TRERF1: variants seen among roughly 807,000 people sequenced by gnomAD.
The protein encoded by TRERF1 is transcriptional-regulating factor 1.
TRERF1 carries 27 observed loss-of-function variants against 122.9 expected under a neutral mutation model. That is an observed-to-expected ratio of 0.22 (90% CI 0.16 to 0.30). The LOEUF is 0.30. TRERF1 is among the 10% of genes least tolerant of loss of function. The pLI, the probability that TRERF1 is intolerant of heterozygous loss-of-function variation, is 1.00. For synonymous variants in TRERF1, 636 were observed against 641.7 expected, an observed-to-expected ratio of 0.99 and a Z score of 0.13; for missense variants, 1,248 against 1,560.3, an observed-to-expected ratio of 0.80 and a Z score of 3.37.
chr6:42,278,283 C>T (rs1781665791), intron 4 of TRERF1, among the ~76,000 whole-genome samples: 1 of 152,204 alleles, frequency 6.6e-6, no homozygotes, highest in African/African-American at 2.4e-5. Flanking sequence ...CCTTTTATGA[C>T]ACACAGAAGC....
At chr6:42,319,506 A>G (rs999583502) in intron 3 of TRERF1, among the ~76,000 whole-genome samples, 2 of 152,232 alleles carry the variant, frequency 1.3e-5, no homozygotes, top group Non-Finnish European at 2.9e-5. Context: ...CCTAACCAAT[A>G]CAAGCTTTTA....
chr6:42,356,251 C>T (rs140153292), intron 3 of TRERF1, among the ~76,000 whole-genome samples: 61 of 152,336 alleles, frequency 4.0e-4, no homozygotes, highest in African/African-American at 1.1e-3. Context: ...AGAGTTGTTT[C>T]GGACTGAATG....
In TRERF1 at chr6:42,232,719, T is replaced by C. The variant is rs1770838638; in HGVS notation, c.3240A>G (p.Thr1080=). 5.0e-6 allele frequency: 8 copies of C among 1,607,826 alleles called. No homozygotes were observed. The highest frequency in any genetic ancestry group is 6.8e-6 in the Non-Finnish European group (8 of 1,174,836). Reference sequence around the variant, plus strand: ...TGCAGGGGAAGATGGTGGTGGGGTCTGTCTCGCCGCTGGTGGTGCTGTGAG... The same window carrying C: ...TGCAGGGGAAGATGGTGGTGGGGTCCGTCTCGCCGCTGGTGGTGCTGTGAG... Residue 1080 remains threonine (T), a synonymous_variant, in exon 17 of 18, where the codon ACA becomes ACG. Transcript: ENST00000372922. The surrounding 1 kb of genome is among the most constrained non-coding windows in gnomAD (Gnocchi z 4.5).
At chr6:42,249,425 A>G (rs1195353202) in intron 13 of TRERF1, among the ~76,000 whole-genome samples, 2 of 152,206 alleles carry the variant, frequency 1.3e-5, no homozygotes, top group Admixed American at 1.3e-4. Flanking sequence ...ATTTCTGAGA[A>G]GCATGTCCCT....
At chr6:42,409,321 T>C in intron 2 of TRERF1, among the ~76,000 whole-genome samples, 1 of 152,184 alleles carries the variant, frequency 6.6e-6, no homozygotes, top group African/African-American at 2.4e-5. Flanking sequence ...TAGATCTATT[T>C]ATTGTACTGA....
chr6:42,250,588 C>T (rs1224340877), intron 13 of TRERF1, among the ~76,000 whole-genome samples: 1 of 152,036 alleles, frequency 6.6e-6, no homozygotes, highest in Non-Finnish European at 1.5e-5. Context: ...TCAACTACCC[C>T]CCACACCCTC....
At chr6:42,328,840 A>G (rs913904108) in intron 3 of TRERF1, among the ~76,000 whole-genome samples, 3 of 151,914 alleles carry the variant, frequency 2.0e-5, no homozygotes, top group Non-Finnish European at 4.4e-5. Context: ...GCTCCAATTC[A>G]CCCTGATCCT....
intron 3 of TRERF1, among the ~76,000 whole-genome samples, chr6:42,346,433 G>A (rs1201164627): frequency 6.6e-6 from 1 of 152,154 alleles, no homozygotes; most frequent in African/African-American, 2.4e-5. Context: ...TTGATTTCAG[G>A]AGCCAACCAG....
At chr6:42,320,187 C>T (rs186565527) in intron 3 of TRERF1, among the ~76,000 whole-genome samples, 1 of 152,084 alleles carries the variant, frequency 6.6e-6, no homozygotes, top group Non-Finnish European at 1.5e-5. Flanking sequence ...GCATGAGCCA[C>T]CGCACCCAGC....
At chr6:42,400,996 G>A (rs1779299076) in intron 2 of TRERF1, among the ~76,000 whole-genome samples, 1 of 152,232 alleles carries the variant, frequency 6.6e-6, no homozygotes, top group African/African-American at 2.4e-5. Flanking sequence ...CCAGAGAAAG[G>A]TGGAGGGGTG....
chr6:42,450,972 C>A (rs764764572), intron 2 of TRERF1, among the ~76,000 whole-genome samples: 2 of 152,148 alleles, frequency 1.3e-5, no homozygotes. Flanking sequence ...CTCATCCCTC[C>A]CCCTTTGCTG....
intron 2 of TRERF1, among the ~76,000 whole-genome samples, chr6:42,367,626 C>G (rs573756108): frequency 1.3e-5 from 2 of 152,248 alleles, no homozygotes; most frequent in Admixed American, 1.3e-4. Flanking sequence ...CTTCTCCTCA[C>G]CCCAAGCATG....
chr6:42,263,182 C>T lies in TRERF1; in HGVS notation c.1884+138G>A. On this transcript the variant is annotated intron_variant, in intron 8 of 17. Transcript: ENST00000372922. The surrounding 1 kb of genome is among the most constrained non-coding windows in gnomAD (Gnocchi z 5.6). ...GCCGTATCCAAGCTCAGGTCAGTGA[C>T]TCTGGAAGGGCCGCCCCATCTCCAA... The T allele has an allele frequency of 6.9e-7, 1 of 1,440,242 alleles. No homozygotes were observed. The highest frequency in any genetic ancestry group is 1.6e-5 in the South Asian group (1 of 64,062). The allele number at this position is 1,440,242 out of a possible 1,614,324, so 89.2% of individuals were successfully genotyped here.
At position 42,382,417 on chromosome 6, in the gene TRERF1, T is replaced by TA. The variant is rs58580368; in HGVS notation, c.-453-19339dup. On this transcript the variant is annotated intron_variant, in intron 2 of 17. Transcript: ENST00000372922. ...GCAAAATCCTTCTCAAAGACGTGAT[T>TA]AAAAAAAAAAAAAAGCTGCCAAGCA... Among the ~76,000 whole-genome samples the TA allele has an allele frequency of 6.7e-3, 900 of 133,580 alleles. 9 individuals carry two copies. Among genetic ancestry groups the TA allele is most frequent in the African/African-American group, 0.021 (746 of 36,144 alleles). 87.6% of individuals were successfully genotyped at this position (133,580 alleles called of 152,430 possible). A position where few individuals can be genotyped will look rare whatever the true frequency, so the allele number is the denominator to read the frequency against.
intron 3 of TRERF1, among the ~76,000 whole-genome samples, chr6:42,340,219 T>C (rs1766985146): frequency 6.6e-6 from 1 of 152,210 alleles, no homozygotes; most frequent in African/African-American, 2.4e-5. Flanking sequence ...GATTCACATT[T>C]TTTTTGTGAC....
At chr6:42,449,065 G>T (rs990933514) in intron 2 of TRERF1, among the ~76,000 whole-genome samples, 1 of 152,210 alleles carries the variant, frequency 6.6e-6, no homozygotes, top group Non-Finnish European at 1.5e-5. Context: ...GGCCCAAGCC[G>T]GTTATAGGAG....
intron 4 of TRERF1, among the ~76,000 whole-genome samples, chr6:42,290,901 G>A (rs968598818): frequency 6.6e-6 from 1 of 151,966 alleles, no homozygotes; most frequent in African/African-American, 2.4e-5. Context: ...TCCCGGCTTG[G>A]AGACCAGTCT....
chr6:42,411,980 T>G (rs1364844176), intron 2 of TRERF1, among the ~76,000 whole-genome samples: 2 of 148,370 alleles, frequency 1.3e-5, no homozygotes, highest in Non-Finnish European at 3.0e-5. Context: ...CACCAATTAT[T>G]TGAATTTTTT....
At chr6:42,395,389 G>A (rs1486604423) in intron 2 of TRERF1, among the ~76,000 whole-genome samples, 2 of 152,306 alleles carry the variant, frequency 1.3e-5, no homozygotes, top group Admixed American at 6.5e-5. Context: ...GGCTCTTGCA[G>A]TATTCAGTTC....
Sources: allele counts gnomAD v4.1 joint callset (sites outside exome capture counted in the v4.1 genomes callset), GRCh38; gene constraint gnomAD v4.1.1; non-coding constraint Gnocchi (gnomAD v3.1); transcripts MANE v1.5; gene names NCBI Gene and HGNC (gene_info 2026-07-23, HGNC 2026-07-21).